CDIP1: variants seen among roughly 807,000 people sequenced by gnomAD.
CDIP1 encodes cell death-inducing p53-target protein 1.
In CDIP1, 9 loss-of-function variants were observed where a neutral mutation model predicts 17.7. The observed-to-expected ratio is 0.51, with a 90% CI of 0.31 to 0.89. The LOEUF is 0.89. Among genes scored for constraint, CDIP1 ranks in the 40% least tolerant of loss-of-function variants. The pLI is 0.05. For missense variants in CDIP1, 263 were observed against 277.9 expected (o/e 0.95, Z 0.38); for synonymous variants, 117 against 109.5 (o/e 1.07, Z -0.43).
At chr16:4,518,328 G>A (rs931331820) in intron 1 of CDIP1, among the ~76,000 whole-genome samples, 2 of 152,240 alleles carry the variant, frequency 1.3e-5, no homozygotes, top group African/African-American at 2.4e-5. Flanking sequence ...TAGGGTGTAA[G>A]CCCACAGGGC....
chr16:4,538,269 C>T (rs2059131117), intron 1 of CDIP1: 1 of 152,160 alleles, frequency 6.6e-6, no homozygotes, highest in Non-Finnish European at 1.5e-5. Flanking sequence ...TCGGCAGCGC[C>T]CTGAGGGGAG....
At position 4,513,380 on chromosome 16, in the gene CDIP1, C is replaced by G. The variant is rs933909043; in HGVS notation, c.241+316G>C. On this transcript the variant is annotated intron_variant, in intron 4 of 5. Coordinates refer to ENST00000567695, the MANE Select transcript of CDIP1 (RefSeq NM_013399.3). The surrounding 1 kb of genome is among the most constrained non-coding windows in gnomAD (Gnocchi z 4.1). ...CATGCAAGGACAGGGCACTCAGCCT[C>G]AAGCCCATGACCAAGAGAGGGAAAG... Among the ~76,000 whole-genome samples, 2 of 152,176 alleles carry G rather than the reference C, an allele frequency of 1.3e-5. No homozygotes were observed. Among genetic ancestry groups the G allele is most frequent in the Non-Finnish European group, 2.9e-5 (2 of 68,022 alleles).
chr16:4,537,340 GA>G (rs1353777090), intron 1 of CDIP1, among the ~76,000 whole-genome samples: 1 of 152,186 alleles, frequency 6.6e-6, no homozygotes, highest in Non-Finnish European at 1.5e-5. Flanking sequence ...TGAATGTGTA[GA>G]GGGGGAGTCT....
intron 1 of CDIP1, chr16:4,536,667 T>C (rs1488430183): frequency 6.6e-6 from 1 of 150,838 alleles, no homozygotes; most frequent in African/African-American, 2.4e-5. Flanking sequence ...TTGGGCACGG[T>C]AGCTCCTGCC....
At chr16:4,533,078 G>T (rs1338075209) in intron 1 of CDIP1, 1 of 152,210 alleles carries the variant, frequency 6.6e-6, no homozygotes, top group East Asian at 1.9e-4. Context: ...TGCCCTCAGG[G>T]AGCTGCAGAT....
At chr16:4,530,506 G>T (rs531999187) in intron 1 of CDIP1, among the ~76,000 whole-genome samples, 2 of 152,048 alleles carry the variant, frequency 1.3e-5, no homozygotes, top group African/African-American at 4.8e-5. Flanking sequence ...AAAATTAGCC[G>T]GGCGTGGTGG....
chr16:4,527,128 C>G (rs1388828013), intron 1 of CDIP1, among the ~76,000 whole-genome samples: 1 of 151,632 alleles, frequency 6.6e-6, no homozygotes, highest in Non-Finnish European at 1.5e-5. Context: ...CGCACTGTCG[C>G]CCAGGCTGGA....
intron 1 of CDIP1, among the ~76,000 whole-genome samples, chr16:4,518,778 C>A (rs1261602778): frequency 6.6e-6 from 1 of 152,244 alleles, no homozygotes; most frequent in Non-Finnish European, 1.5e-5. Flanking sequence ...CTTTCAATCA[C>A]ACGATCAGAA....
chr16:4,513,920 A>C lies in CDIP1; in HGVS notation c.86-69T>G, dbSNP rs2058861134. ...TGCACGATGAGCTCGACCAGAGGCCACTGTTTTGGGACACAGATGGGGCCC... is the reference window on the plus strand; with the variant it reads ...TGCACGATGAGCTCGACCAGAGGCCCCTGTTTTGGGACACAGATGGGGCCC... On this transcript the variant is annotated intron_variant, in intron 3 of 5. Transcript: ENST00000567695. The surrounding 1 kb of genome is among the most constrained non-coding windows in gnomAD (Gnocchi z 4.1). 3.4e-6 allele frequency: 5 copies of C among 1,463,284 alleles called. No homozygotes were observed. The highest frequency in any genetic ancestry group is 1.8e-4 in the Middle Eastern group (1 of 5,514). The allele number at this position is 1,463,284 out of a possible 1,614,324, so 90.6% of individuals were successfully genotyped here. A position where few individuals can be genotyped will look rare whatever the true frequency, so the allele number is the denominator to read the frequency against.
In CDIP1 at chr16:4,513,412, G is replaced by A. The variant is rs544724511; in HGVS notation, c.241+284C>T. On this transcript the variant is annotated intron_variant, in intron 4 of 5. Coordinates refer to ENST00000567695, the MANE Select transcript of CDIP1 (RefSeq NM_013399.3). This position sits in a 1 kb window ranked among gnomAD's most constrained non-coding sequence, Gnocchi z 4.1. Reference sequence around the variant, plus strand: ...ATGACCAAGAGAGGGAAAGCCTTGCGGGTCACCCACCCCTCTCCTGCACAC... The same window carrying A: ...ATGACCAAGAGAGGGAAAGCCTTGCAGGTCACCCACCCCTCTCCTGCACAC... Among the ~76,000 whole-genome samples, 45 of 152,180 alleles carry A rather than the reference G, an allele frequency of 3.0e-4. No individual in the cohort carries two copies. Among genetic ancestry groups the A allele is most frequent in the African/African-American group, 9.2e-4 (38 of 41,510 alleles).
chr16:4,517,081 C>T (rs2058895891), intron 1 of CDIP1, among the ~76,000 whole-genome samples: 1 of 152,182 alleles, frequency 6.6e-6, no homozygotes, highest in Admixed American at 6.5e-5. Context: ...AAGAGAACAC[C>T]TCTGTCCACC....
At chr16:4,517,827 T>C (rs375677769) in intron 1 of CDIP1, among the ~76,000 whole-genome samples, 1 of 151,856 alleles carries the variant, frequency 6.6e-6, no homozygotes, top group Non-Finnish European at 1.5e-5. Flanking sequence ...AGGCTGCTCC[T>C]AGCCTGCCAG....
At chr16:4,532,775 T>C (rs1014119814) in intron 1 of CDIP1, 1 of 152,160 alleles carries the variant, frequency 6.6e-6, no homozygotes, top group Non-Finnish European at 1.5e-5. Context: ...GTGTGGCCAC[T>C]GTCCCTGCAA....
In CDIP1 at chr16:4,513,752, G is replaced by T. The variant is rs2141627848; in HGVS notation, c.185C>A (p.Pro62His). Residue 62 changes from proline (P) to histidine (H), a missense_variant, in exon 4 of 6, where the codon CCC (proline) becomes CAC (histidine). By Grantham distance (77) the Pro-to-His change is moderately conservative. Coordinates refer to ENST00000567695, the MANE Select transcript of CDIP1 (RefSeq NM_013399.3). The surrounding 1 kb of genome is among the most constrained non-coding windows in gnomAD (Gnocchi z 4.1). ...PPYEPPGHPM[P>H]QPGFIPPHMS... ...GTGTGGTGGGATGAAGCCAGGCTGGGGCATTGGGTGACCCGGCGGCTCATA... is the reference window on the plus strand; with the variant it reads ...GTGTGGTGGGATGAAGCCAGGCTGGTGCATTGGGTGACCCGGCGGCTCATA... 6.2e-7 allele frequency: 1 copy of T among 1,613,670 alleles called. No homozygotes were observed. Among genetic ancestry groups the T allele is most frequent in the East Asian group, 2.2e-5 (1 of 44,878 alleles).
At chr16:4,515,626 C>A (rs1036644160) in intron 1 of CDIP1, among the ~76,000 whole-genome samples, 3 of 152,184 alleles carry the variant, frequency 2.0e-5, no homozygotes, top group Non-Finnish European at 4.4e-5. Context: ...TGAACAAAGA[C>A]TTCTCAAAAG....
chr16:4,528,695 A>AG (rs1349509132), intron 1 of CDIP1, among the ~76,000 whole-genome samples: 1 of 150,018 alleles, frequency 6.7e-6, no homozygotes, highest in East Asian at 1.9e-4. Context: ...AAAAAAAAAA[A>AG]AAAAAAAAAA....
chr16:4,531,390 C>A (rs2059055489), intron 1 of CDIP1, among the ~76,000 whole-genome samples: 3 of 151,526 alleles, frequency 2.0e-5, no homozygotes, highest in African/African-American at 2.4e-5. Context: ...AAACTCCTGA[C>A]CTCAAGTGAT....
intron 1 of CDIP1, among the ~76,000 whole-genome samples, chr16:4,523,288 G>T (rs537148791): frequency 1.1e-4 from 16 of 152,340 alleles, no homozygotes; most frequent in African/African-American, 3.8e-4. Context: ...GGCTGAGGAG[G>T]GCGGATTACG....
Position 4,512,578 on chromosome 16 carries a change from C to T in CDIP1, c.621G>A (p.Leu207=). 1.2e-6 allele frequency: 2 copies of T among 1,612,806 alleles called. No individual in the cohort carries two copies. The highest frequency in any genetic ancestry group is 1.7e-6 in the Non-Finnish European group (2 of 1,178,822). The change falls in exon 6 of 6, where the codon CTG becomes CTA. Residue 207 remains leucine, a synonymous_variant. Transcript: ENST00000567695. This position sits in a 1 kb window ranked among gnomAD's most constrained non-coding sequence, Gnocchi z 4.6. ...CKAYIYTYKR[L]C is the part of the protein sequence containing the mutation. Reference sequence around the variant, plus strand: ...GTCCCGAGTCCCAGCTCCGTTAGCACAGGCGCTTGTACGTGTAGATGTAGG... The same window carrying T: ...GTCCCGAGTCCCAGCTCCGTTAGCATAGGCGCTTGTACGTGTAGATGTAGG...
Sources: allele counts gnomAD v4.1 joint callset (sites outside exome capture counted in the v4.1 genomes callset), GRCh38; gene constraint gnomAD v4.1.1; non-coding constraint Gnocchi (gnomAD v3.1); transcripts MANE v1.5; gene names NCBI Gene and HGNC (gene_info 2026-07-23, HGNC 2026-07-21).